TAAR1: variants seen among roughly 807,000 people sequenced by gnomAD.
TAAR1 encodes the protein trace amine-associated receptor 1.
Under a neutral mutation model 1.2 loss-of-function variants are expected in TAAR1, and 1 was observed. The ratio of observed to expected loss-of-function variants is 0.81; its 90% CI spans 0.29 to 3.86. The LOEUF is 3.86. Among genes scored for constraint, TAAR1 ranks in the 30% most tolerant of loss-of-function variants. The pLI is 0.18. For missense variants in TAAR1, 445 were observed against 405.6 expected (o/e 1.10, Z -0.83); for synonymous variants, 153 against 132.2 (o/e 1.16, Z -1.08).
At chr6:132,649,362 A>T (rs1777722885) in intron 1 of TAAR1, among the ~76,000 whole-genome samples, 1 of 151,952 alleles carries the variant, frequency 6.6e-6, no homozygotes, top group South Asian at 2.1e-4. Flanking sequence ...GTACCTCTTC[A>T]TATTATATGA....
intron 1 of TAAR1, among the ~76,000 whole-genome samples, chr6:132,649,578 G>T (rs562731616): frequency 1.3e-4 from 20 of 152,136 alleles, no homozygotes; most frequent in South Asian, 6.2e-4. Flanking sequence ...CCGCAGGGCT[G>T]GGAAGGCCTC....
rs1257970541 is a variant in TAAR1 at position 132,644,657 on chromosome 6, A to G, written c.*327T>C. Among the ~76,000 whole-genome samples the G allele has an allele frequency of 6.6e-6, 1 of 152,058 alleles. No homozygotes were observed. Among genetic ancestry groups the G allele is most frequent in the Admixed American group, 6.6e-5 (1 of 15,246 alleles). On this transcript the variant is annotated 3_prime_UTR_variant, in exon 2 of 2. Transcript: ENST00000275216. The stretch of plus-strand genomic sequence containing the variant: ...GATTTGCATCCTCAAATTCAGCCCT[A>G]TAGTTTCCACCACTGAACAGCTGAC...
rs1582748905 is a variant in TAAR1 at position 132,644,358 on chromosome 6, T to A, written c.*626A>T. 7.4e-6 allele frequency among the ~76,000 whole-genome samples: 1 copy of A among 134,336 alleles called. No homozygotes were observed. Among genetic ancestry groups the A allele is most frequent in the Non-Finnish European group, 1.7e-5 (1 of 60,490 alleles). 88.1% of individuals were successfully genotyped at this position (134,336 alleles called of 152,430 possible). A position where few individuals can be genotyped will look rare whatever the true frequency, so the allele number is the denominator to read the frequency against. On this transcript the variant is annotated 3_prime_UTR_variant, in exon 2 of 2. Coordinates refer to ENST00000275216, the MANE Select transcript of TAAR1 (RefSeq NM_138327.4). ...ACCAGGAAGTATACTATGAATAACA[T>A]TTTTTTAATTTCATTTGGTTTGTAT... is the stretch of plus-strand genomic sequence containing the variant.
Position 132,645,837 on chromosome 6 carries a change from G to T in TAAR1, c.167C>A (p.Thr56Asn). ...VSISHFKQLH[T>N]PTNWLIHSMA... ...GGAATGAATGAGCCAATTTGTTGGG[G>T]TATGAAGTTGTTTGAAGTGTGATAT... The change falls in exon 2 of 2, where the codon ACC becomes AAC. Residue 56 changes from threonine (T) to asparagine (N), a missense_variant. Transcript: ENST00000275216. 4 of 1,613,790 alleles carry T rather than the reference G, an allele frequency of 2.5e-6. No homozygotes were observed. The highest frequency in any genetic ancestry group is 3.4e-6 in the Non-Finnish European group (4 of 1,179,786).
Position 132,656,300 on chromosome 6 carries a change from G to GAGT in TAAR1, c.-127+2827_-127+2829dup, listed in dbSNP as rs1230024751. 1.3e-4 allele frequency among the ~76,000 whole-genome samples: 20 copies of GAGT among 152,246 alleles called. No homozygotes were observed. In the East Asian group the frequency reaches 3.7e-3, roughly 28 times the overall value. ...CATCAACAACTAAGTAAACATCCAA[G>GAGT]AGTAATGCAAGGGAAATCAAGGTGC... On this transcript the variant is annotated intron_variant, in intron 1 of 1. Transcript: ENST00000275216.
chr6:132,657,306 C>T (rs1234506503), intron 1 of TAAR1, among the ~76,000 whole-genome samples: 2 of 151,858 alleles, frequency 1.3e-5, no homozygotes, highest in African/African-American at 4.8e-5. Flanking sequence ...TTTGAATCAG[C>T]TCCGTTCAGT....
chr6:132,647,620 A>G (rs988173086), intron 1 of TAAR1, among the ~76,000 whole-genome samples: 4 of 64,014 alleles, frequency 6.2e-5, no homozygotes, highest in African/African-American at 2.2e-4. Context: ...AAAGAAAGAA[A>G]AAGGAAAGAA....
At chr6:132,648,035 T>A (rs181748494) in intron 1 of TAAR1, among the ~76,000 whole-genome samples, 5 of 152,276 alleles carry the variant, frequency 3.3e-5, no homozygotes, top group Middle Eastern at 3.4e-3. Flanking sequence ...CATTCCATGA[T>A]AGAAGCTAAA....
rs760460121 is a variant in TAAR1, at chr6:132,645,701, G to A, written c.303C>T (p.Ser101=). 1.2e-6 allele frequency: 2 copies of A among 1,613,684 alleles called. No homozygotes were observed. Among genetic ancestry groups the A allele is most frequent in the African/African-American group, 1.3e-5 (1 of 75,008 alleles). ...FGEVFCKIHT[S]TDIMLSSASI... ...AGGCTGAGCTCAGCATAATGTCGGT[G>A]CTTGTGTGAATTTTACAGAAGACTT... The change falls in exon 2 of 2, where the codon AGC becomes AGT. Residue 101 remains serine, a synonymous_variant. Coordinates refer to ENST00000275216, the MANE Select transcript of TAAR1 (RefSeq NM_138327.4).
Position 132,645,563 on chromosome 6 carries a change from A to G in TAAR1, c.441T>C (p.Ser147=). Residue 147 remains serine, a synonymous_variant, in exon 2 of 2, where the codon AGT becomes AGC. Coordinates refer to ENST00000275216, the MANE Select transcript of TAAR1 (RefSeq NM_138327.4). ...ILVICVMIFI[S]WSVPAVFAFG... ...ATGCAAAAACAGCAGGGACACTCCA[A>G]CTAATGAAGATCATCACACAAATAA... 1 of 1,613,702 alleles carries G rather than the reference A, an allele frequency of 6.2e-7. No individual in the cohort carries two copies. Among genetic ancestry groups the G allele is most frequent in the Non-Finnish European group, 8.5e-7 (1 of 1,179,814 alleles).
chr6:132,656,892 A>G (rs914592195), intron 1 of TAAR1, among the ~76,000 whole-genome samples: 4 of 152,214 alleles, frequency 2.6e-5, no homozygotes, highest in Non-Finnish European at 5.9e-5. Flanking sequence ...GTAACAATGT[A>G]TTTATGACCA....
intron 1 of TAAR1, among the ~76,000 whole-genome samples, chr6:132,646,932 C>G (rs35626797): frequency 0.089 from 13,524 of 152,112 alleles, 669 homozygotes; most frequent in Middle Eastern, 0.19. Flanking sequence ...AAAAATTAAG[C>G]TTTAAATTTT....
chr6:132,650,544 C>T (rs1327366425), intron 1 of TAAR1, among the ~76,000 whole-genome samples: 1 of 152,196 alleles, frequency 6.6e-6, no homozygotes, highest in Non-Finnish European at 1.5e-5. Flanking sequence ...CTATTTCATG[C>T]CTTCTTGAAT....
chr6:132,647,861 C>A (rs56069633), intron 1 of TAAR1, among the ~76,000 whole-genome samples: 1 of 151,906 alleles, frequency 6.6e-6, no homozygotes, highest in East Asian at 1.9e-4. Context: ...TCCCTCTGGG[C>A]TGATGGTTTA....
chr6:132,652,896 AAG>A (rs1051686373), intron 1 of TAAR1, among the ~76,000 whole-genome samples: 1 of 151,798 alleles, frequency 6.6e-6, no homozygotes, highest in African/African-American at 2.4e-5. Context: ...TATTGAACAA[AAG>A]AGAAATTCAC....
chr6:132,654,081 G>A (rs59803723), intron 1 of TAAR1, among the ~76,000 whole-genome samples: 9,072 of 152,120 alleles, frequency 0.06, 310 homozygotes, highest in East Asian at 0.11. Flanking sequence ...TCTACACCTG[G>A]GATTGGAAAC....
rs118044632 is a variant in TAAR1 at position 132,644,747 on chromosome 6, C to T, written c.*237G>A. Among the ~76,000 whole-genome samples the T allele has an allele frequency of 8.9e-3, 1,352 of 152,066 alleles. 10 individuals are homozygous for T. The highest frequency in any genetic ancestry group is 0.015 in the Non-Finnish European group (1,049 of 67,928). ...CAGGAAAAGTTATATAAAATGTAGGCCTTTAAATACTGGATTTGCAAAGTT... is the reference window on the plus strand; with the variant it reads ...CAGGAAAAGTTATATAAAATGTAGGTCTTTAAATACTGGATTTGCAAAGTT... On this transcript the variant is annotated 3_prime_UTR_variant, in exon 2 of 2. Coordinates refer to ENST00000275216, the MANE Select transcript of TAAR1 (RefSeq NM_138327.4).
Position 132,645,721 on chromosome 6 carries a change from A to T in TAAR1, c.283T>A (p.Phe95Ile), listed in dbSNP as rs1562202143. 1.2e-6 allele frequency: 2 copies of T among 1,613,750 alleles called. No individual in the cohort carries two copies. Among genetic ancestry groups the T allele is most frequent in the African/African-American group, 2.7e-5 (2 of 75,032 alleles). Residue 95 changes from phenylalanine (F) to isoleucine (I), a missense_variant, in exon 2 of 2, where the codon TTC becomes ATC. Coordinates refer to ENST00000275216, the MANE Select transcript of TAAR1 (RefSeq NM_138327.4). ...TCGGTGCTTGTGTGAATTTTACAGA[A>T]GACTTCTCCAAAATACCAACAGTGC... is the stretch of plus-strand genomic sequence containing the variant. ...AEHCWYFGEV[F>I]CKIHTSTDIM... is the part of the protein sequence containing the mutation.
chr6:132,653,206 G>T (rs560730947), intron 1 of TAAR1, among the ~76,000 whole-genome samples: 247 of 152,276 alleles, frequency 1.6e-3, no homozygotes, highest in Non-Finnish European at 3.1e-3. Flanking sequence ...GAAAATGACA[G>T]TGGAGTGGCC....
Sources: gnomAD v4.1 joint callset for allele counts (sites outside exome capture counted in the v4.1 genomes callset) on GRCh38, gnomAD v4.1.1 for gene constraint, MANE v1.5 for transcripts, NCBI Gene and HGNC (gene_info 2026-07-23, HGNC 2026-07-21) for gene names.